Variants in PAX5 observed in about 807,000 individuals in gnomAD.
The protein encoded by PAX5 is paired box protein Pax-5.
Under a neutral mutation model 43.7 loss-of-function variants are expected in PAX5, and 9 were observed. The ratio of observed to expected loss-of-function variants is 0.21; its 90% CI spans 0.12 to 0.36. PAX5 has a LOEUF of 0.36. Ranked by LOEUF, PAX5 falls within the 10% of genes least tolerant of loss-of-function variation. The pLI is 1.00. For missense variants in PAX5, 383 were observed against 532.7 expected, an observed-to-expected ratio of 0.72 and a Z score of 2.77; for synonymous variants, 228 against 214.3, an observed-to-expected ratio of 1.06 and a Z score of -0.56.
intron 7 of PAX5, among the ~76,000 whole-genome samples, chr9:36,901,097 G>GA (rs1828349200): frequency 6.6e-6 from 1 of 151,984 alleles, no homozygotes; most frequent in South Asian, 2.1e-4. Flanking sequence ...GTCTTCCTGC[G>GA]AGTCTCATCC....
chr9:36,948,240 G>A (rs1832717373), intron 6 of PAX5, among the ~76,000 whole-genome samples: 3 of 152,186 alleles, frequency 2.0e-5, no homozygotes, highest in South Asian at 4.1e-4. Flanking sequence ...GCCTTGCCAT[G>A]TGGCCAGCAC....
chr9:36,950,252 C>T (rs192144726), intron 6 of PAX5, among the ~76,000 whole-genome samples: 88 of 152,334 alleles, frequency 5.8e-4, no homozygotes, highest in African/African-American at 1.9e-3. Context: ...AGGGTCTGCA[C>T]CTTCTTAAAA....
At chr9:36,856,766 T>C (rs1213523565) in intron 8 of PAX5, among the ~76,000 whole-genome samples, 2 of 152,160 alleles carry the variant, frequency 1.3e-5, no homozygotes, top group Non-Finnish European at 2.9e-5. Flanking sequence ...CTTGATCTCC[T>C]GACCTTGAAA....
intron 8 of PAX5, among the ~76,000 whole-genome samples, chr9:36,867,974 ACCC>A (rs1386536400): frequency 6.6e-5 from 10 of 152,118 alleles, no homozygotes; most frequent in African/African-American, 2.4e-4. Flanking sequence ...CTTGCCTGTC[ACCC>A]CGCGTTCCCG....
chr9:36,992,138 C>CCA (rs1324239359), intron 5 of PAX5, among the ~76,000 whole-genome samples: 2 of 150,766 alleles, frequency 1.3e-5, no homozygotes, highest in East Asian at 1.9e-4. Context: ...CCCAACCCTC[C>CCA]CACACACACA....
chr9:36,859,035 A>G (rs1047900865), intron 8 of PAX5, among the ~76,000 whole-genome samples: 1 of 152,154 alleles, frequency 6.6e-6, no homozygotes, highest in Non-Finnish European at 1.5e-5. Flanking sequence ...GAGACCAGAC[A>G]AGATTTACCT....
At chr9:36,998,898 T>A (rs972489812) in intron 5 of PAX5, among the ~76,000 whole-genome samples, 2 of 152,242 alleles carry the variant, frequency 1.3e-5, no homozygotes, top group African/African-American at 2.4e-5. Flanking sequence ...TATACTGGAT[T>A]AAATAAAATA....
At position 36,887,915 on chromosome 9, in the gene PAX5, C is replaced by G. The variant is rs1827038583; in HGVS notation, c.911-5810G>C. Reference sequence around the variant, plus strand: ...TTGTATCTAGAATATATAAAGAACTCTTGCAGCTCAATAATAGACAAATAA... The same window carrying G: ...TTGTATCTAGAATATATAAAGAACTGTTGCAGCTCAATAATAGACAAATAA... On this transcript the variant is annotated intron_variant, in intron 7 of 9. Coordinates refer to ENST00000358127, the MANE Select transcript of PAX5 (RefSeq NM_016734.3). Among the ~76,000 whole-genome samples, 3 of 144,732 alleles carry G rather than the reference C, an allele frequency of 2.1e-5. No individual in the cohort carries two copies. The South Asian group carries it at 6.5e-4, about 31-fold the overall frequency. The allele number at this position is 144,732 out of a possible 152,430, so 94.9% of individuals were successfully genotyped here.
chr9:36,943,926 C>T (rs1325814241), intron 6 of PAX5, among the ~76,000 whole-genome samples: 2 of 152,138 alleles, frequency 1.3e-5, no homozygotes, highest in Non-Finnish European at 2.9e-5. Context: ...TGGCTCACAC[C>T]TGTAATCTCA....
At position 36,833,607 on chromosome 9, in the gene PAX5, G is replaced by A. The variant is rs1298830994; in HGVS notation, c.*6953C>T. ...TAGCCCTGCCCTCCTCCCCAAAAAA[G>A]AAAAATATGTCCAACATCTTTGGCA... On this transcript the variant is annotated 3_prime_UTR_variant, in exon 10 of 10. Coordinates refer to ENST00000358127, the MANE Select transcript of PAX5 (RefSeq NM_016734.3). 8.7e-6 allele frequency: 2 copies of A among 231,162 alleles called. No homozygotes were observed. The highest frequency in any genetic ancestry group is 5.7e-5 in the Admixed American group (1 of 17,646). The allele number at this position is 231,162 out of a possible 1,614,324, so 14.3% of individuals were successfully genotyped here.
At chr9:36,931,530 A>C (rs1831121032) in intron 6 of PAX5, among the ~76,000 whole-genome samples, 1 of 152,136 alleles carries the variant, frequency 6.6e-6, no homozygotes, top group Non-Finnish European at 1.5e-5. Flanking sequence ...CAAACTGTAA[A>C]ATAAATAATC....
At chr9:36,885,635 G>A (rs1354627038) in intron 7 of PAX5, among the ~76,000 whole-genome samples, 1 of 152,120 alleles carries the variant, frequency 6.6e-6, no homozygotes, top group African/African-American at 2.4e-5. Flanking sequence ...CAGCCAGTCT[G>A]GCTTGCAAGC....
At chr9:36,941,792 C>T (rs7874885) in intron 6 of PAX5, among the ~76,000 whole-genome samples, 1 of 48,180 alleles carries the variant, frequency 2.1e-5, no homozygotes, top group East Asian at 6.2e-4. Context: ...GAGGTGGGGG[C>T]GGGGGTGGGA....
At chr9:36,933,109 A>G (rs901616780) in intron 6 of PAX5, among the ~76,000 whole-genome samples, 1 of 149,836 alleles carries the variant, frequency 6.7e-6, no homozygotes, top group Non-Finnish European at 1.5e-5. Flanking sequence ...GCACCACTGC[A>G]TTCCAGCCTG....
Position 36,937,134 on chromosome 9 carries a change from C to T in PAX5, c.781-13650G>A, listed in dbSNP as rs182583539. On this transcript the variant is annotated intron_variant, in intron 6 of 9. Transcript: ENST00000358127. Reference sequence around the variant, plus strand: ...TCTACCAGCTCCCCCTACACCCTCACATACCTTTACTAAGAGGCGGAATAA... The same window carrying T: ...TCTACCAGCTCCCCCTACACCCTCATATACCTTTACTAAGAGGCGGAATAA... Among the ~76,000 whole-genome samples, 3 of 152,330 alleles carry T rather than the reference C, an allele frequency of 2.0e-5. No individual in the cohort carries two copies. In the East Asian group the frequency reaches 5.8e-4, roughly 29 times the overall value.
At chr9:36,850,518 C>T (rs566125480) in intron 8 of PAX5, among the ~76,000 whole-genome samples, 2 of 152,222 alleles carry the variant, frequency 1.3e-5, no homozygotes, top group African/African-American at 2.4e-5. Flanking sequence ...AAAGTTCCCA[C>T]AATGAACCCC....
At chr9:36,867,950 C>G (rs1201990478) in intron 8 of PAX5, among the ~76,000 whole-genome samples, 1 of 152,212 alleles carries the variant, frequency 6.6e-6, no homozygotes, top group Non-Finnish European at 1.5e-5. Flanking sequence ...GCCTCCCAGC[C>G]TGGTTGGGCT....
At chr9:36,873,508 C>A (rs1262728995) in intron 8 of PAX5, among the ~76,000 whole-genome samples, 1 of 152,216 alleles carries the variant, frequency 6.6e-6, no homozygotes, top group Non-Finnish European at 1.5e-5. Flanking sequence ...CAGGTGTGCA[C>A]CCCAGAGGCC....
At chr9:36,884,012 C>T (rs1826701873) in intron 7 of PAX5, among the ~76,000 whole-genome samples, 1 of 152,112 alleles carries the variant, frequency 6.6e-6, no homozygotes, top group South Asian at 2.1e-4. Context: ...AAATAAGTGC[C>T]TCATCCATTT....
Sources: gnomAD v4.1 joint callset for allele counts (sites outside exome capture counted in the v4.1 genomes callset) on GRCh38, gnomAD v4.1.1 for gene constraint, MANE v1.5 for transcripts, NCBI Gene and HGNC (gene_info 2026-07-23, HGNC 2026-07-21) for gene names.